Variants in CNTNAP2 observed in about 807,000 individuals in gnomAD.
The protein encoded by CNTNAP2 is contactin associated protein 2.
Under a neutral mutation model 155.2 loss-of-function variants are expected in CNTNAP2, and 98 were observed. That is an observed-to-expected ratio of 0.63 (90% CI 0.54 to 0.75). CNTNAP2 has a LOEUF of 0.75. CNTNAP2 is among the 30% of genes least tolerant of loss of function. The pLI is 0.00. For missense variants in CNTNAP2, 1,727 were observed against 1,688.1 expected (o/e 1.02, Z -0.40); for synonymous variants, 651 against 631.2 (o/e 1.03, Z -0.47).
intron 21 of CNTNAP2, among the ~76,000 whole-genome samples, chr7:148,284,313 G>T (rs112566412): frequency 0.14 from 20,668 of 152,010 alleles, 1,693 homozygotes; most frequent in African/African-American, 0.23. Context: ...GAAGTCTCAT[G>T]AGATCTGATG....
chr7:148,157,055 A>G (rs1045225721), intron 17 of CNTNAP2, among the ~76,000 whole-genome samples: 1 of 152,154 alleles, frequency 6.6e-6, no homozygotes, highest in African/African-American at 2.4e-5. Context: ...GCTTCACTTC[A>G]TCCTCTCCAT....
rs1158280089 is a variant in CNTNAP2, at chr7:147,607,187, G to T, written c.1898-31919G>T. Among the ~76,000 whole-genome samples, 12 of 152,094 alleles carry T rather than the reference G, an allele frequency of 7.9e-5. No individual in the cohort carries two copies. The East Asian group carries it at 2.3e-3, about 29-fold the overall frequency. ...AATGAGGAAAATTAAATACTTCCAG[G>T]GACTGATTATTTGGGAATTTTCTTC... On this transcript the variant is annotated intron_variant, in intron 12 of 23. Transcript: ENST00000361727.
rs553948608 is a variant in CNTNAP2 at position 147,596,949 on chromosome 7, T to G, written c.1897+34692T>G. ...TGACAATTTACAAATGCCATGGCAA[T>G]GTCAGGAAGTTACCCTATATGGTCT... is the stretch of plus-strand genomic sequence containing the variant. On this transcript the variant is annotated intron_variant, in intron 12 of 23. Coordinates refer to ENST00000361727, the MANE Select transcript of CNTNAP2 (RefSeq NM_014141.6). 2.0e-5 allele frequency among the ~76,000 whole-genome samples: 3 copies of G among 152,228 alleles called. No individual in the cohort carries two copies. In the South Asian group the frequency reaches 6.2e-4, roughly 32 times the overall value.
intron 9 of CNTNAP2, among the ~76,000 whole-genome samples, chr7:147,314,671 T>C (rs2692166): frequency 0.51 from 76,203 of 150,620 alleles, 21,388 homozygotes; most frequent in East Asian, 0.73. Flanking sequence ...TTAATATCTT[T>C]GGAACTTTTC....
intron 8 of CNTNAP2, among the ~76,000 whole-genome samples, chr7:147,237,925 C>A (rs1266020190): frequency 6.6e-6 from 1 of 152,216 alleles, no homozygotes; most frequent in Non-Finnish European, 1.5e-5. Context: ...AATATAAAGT[C>A]TAGAAATTTA....
intron 1 of CNTNAP2, among the ~76,000 whole-genome samples, chr7:146,464,187 G>GTTTTTTTTTTTTTTTTTTTTTTT (rs369508603): frequency 1.1e-5 from 1 of 91,544 alleles, no homozygotes; most frequent in African/African-American, 3.7e-5. Flanking sequence ...CTTTGAAACT[G>GTTTTTTTTTTTTTTTTTTTTTTT]TTTTTTTTTT....
At chr7:147,573,221 T>A (rs1267697123) in intron 12 of CNTNAP2, among the ~76,000 whole-genome samples, 1 of 152,158 alleles carries the variant, frequency 6.6e-6, no homozygotes, top group Non-Finnish European at 1.5e-5. Context: ...GGAAAAAATA[T>A]CCCTGTGGAT....
chr7:146,449,730 A>G (rs1334132024), intron 1 of CNTNAP2, among the ~76,000 whole-genome samples: 3 of 152,178 alleles, frequency 2.0e-5, no homozygotes, highest in Non-Finnish European at 4.4e-5. Context: ...TGCATATTTC[A>G]TGAATGCCCC....
At chr7:146,499,094 ATCTG>A (rs1797262659) in intron 1 of CNTNAP2, among the ~76,000 whole-genome samples, 1 of 152,178 alleles carries the variant, frequency 6.6e-6, no homozygotes, top group South Asian at 2.1e-4. Flanking sequence ...TCTGCCAATG[ATCTG>A]TCTATTGACA....
At chr7:147,200,673 A>G (rs1288380871) in intron 8 of CNTNAP2, among the ~76,000 whole-genome samples, 1 of 152,216 alleles carries the variant, frequency 6.6e-6, no homozygotes, top group Non-Finnish European at 1.5e-5. Context: ...AAAGATGATT[A>G]GTGTCTCTGC....
In CNTNAP2 at chr7:148,254,856, G is replaced by A. The variant is rs577445408; in HGVS notation, c.3382-12177G>A. ...TATTTGTTAATATCTATTTTCAAAA[G>A]CGACTCTTCCTAATTTTATTGTTTT... On this transcript the variant is annotated intron_variant, in intron 20 of 23. Transcript: ENST00000361727. Among the ~76,000 whole-genome samples, 99 of 150,594 alleles carry A rather than the reference G, an allele frequency of 6.6e-4. 2 individuals carry two copies. The highest frequency in any genetic ancestry group is 2.0e-3 in the African/African-American group (83 of 41,080).
chr7:148,149,740 A>C (rs1805261337), intron 17 of CNTNAP2, among the ~76,000 whole-genome samples: 1 of 151,862 alleles, frequency 6.6e-6, no homozygotes, highest in Non-Finnish European at 1.5e-5. Context: ...TTAGTAGAGA[A>C]GGGGTTTCAC....
At chr7:146,684,526 A>G (rs527418581) in intron 1 of CNTNAP2, among the ~76,000 whole-genome samples, 11 of 151,326 alleles carry the variant, frequency 7.3e-5, no homozygotes, top group African/African-American at 2.7e-4. Flanking sequence ...GGCATAACTT[A>G]TGTGGGCCAA....
intron 1 of CNTNAP2, among the ~76,000 whole-genome samples, chr7:146,611,581 T>C (rs1243689618): frequency 6.6e-6 from 1 of 152,184 alleles, no homozygotes; most frequent in Non-Finnish European, 1.5e-5. Flanking sequence ...AGATTCATGG[T>C]CATTGAAACA....
intron 10 of CNTNAP2, among the ~76,000 whole-genome samples, chr7:147,429,081 T>C (rs1797426446): frequency 6.6e-6 from 1 of 152,108 alleles, no homozygotes; most frequent in Non-Finnish European, 1.5e-5. Context: ...TCCATCTCCA[T>C]CCAGATTTCT....
At chr7:146,948,105 C>T (rs1272816374) in intron 3 of CNTNAP2, among the ~76,000 whole-genome samples, 1 of 152,082 alleles carries the variant, frequency 6.6e-6, no homozygotes, top group Admixed American at 6.6e-5. Context: ...TAAGTTACTA[C>T]TTGGATTATC....
chr7:147,490,539 A>C (rs1036963694), intron 11 of CNTNAP2, among the ~76,000 whole-genome samples: 2 of 152,190 alleles, frequency 1.3e-5, no homozygotes, highest in Middle Eastern at 3.2e-3. Flanking sequence ...TTTCAAAATA[A>C]ATTGAATTCT....
At chr7:148,266,099 A>G (rs186452628) in intron 20 of CNTNAP2, among the ~76,000 whole-genome samples, 3 of 152,256 alleles carry the variant, frequency 2.0e-5, no homozygotes, top group Admixed American at 2.0e-4. Flanking sequence ...CCTCTACACA[A>G]TTGACGTGGC....
chr7:146,718,545 C>T (rs2129176620), intron 1 of CNTNAP2, among the ~76,000 whole-genome samples: 1 of 152,002 alleles, frequency 6.6e-6, no homozygotes, highest in East Asian at 1.9e-4. Context: ...CCATTTTATC[C>T]TCACTTAAAG....
Sources: allele counts gnomAD v4.1 joint callset (sites outside exome capture counted in the v4.1 genomes callset), GRCh38; gene constraint gnomAD v4.1.1; transcripts MANE v1.5; gene names NCBI Gene and HGNC (gene_info 2026-07-23, HGNC 2026-07-21).